CADM1: variants seen among roughly 807,000 people sequenced by gnomAD.
The protein encoded by CADM1 is TSLC-1.
In CADM1, 15 loss-of-function variants were observed where a neutral mutation model predicts 53.1. The ratio of observed to expected loss-of-function variants is 0.28; its 90% CI spans 0.19 to 0.44. CADM1 has a LOEUF of 0.44. CADM1 is among the 20% of genes least tolerant of loss of function. CADM1 has a pLI of 1.00. For synonymous variants in CADM1, 281 were observed against 243.0 expected, an observed-to-expected ratio of 1.16 and a Z score of -1.45; for missense variants, 434 against 611.3, an observed-to-expected ratio of 0.71 and a Z score of 3.06.
intron 1 of CADM1, among the ~76,000 whole-genome samples, chr11:115,493,295 G>A (rs1165833583): frequency 6.0e-4 from 88 of 146,424 alleles, no homozygotes; most frequent in Non-Finnish European, 1.1e-3. Context: ...AAAAAAAAAA[G>A]AGGGGGAAGA....
chr11:115,282,813 G>A (rs188262935), intron 1 of CADM1, among the ~76,000 whole-genome samples: 103 of 152,318 alleles, frequency 6.8e-4, no homozygotes, highest in African/African-American at 2.5e-3. Context: ...ATTATTTACA[G>A]GGGATGGAAG....
chr11:115,177,855 C>T (rs1939111039), intron 11 of CADM1, among the ~76,000 whole-genome samples: 1 of 152,128 alleles, frequency 6.6e-6, no homozygotes. Flanking sequence ...AGGGACCTTC[C>T]CCCAAACCCA....
chr11:115,243,013 G>A (rs973910852), intron 1 of CADM1, among the ~76,000 whole-genome samples: 9 of 152,226 alleles, frequency 5.9e-5, no homozygotes, highest in African/African-American at 2.2e-4. Context: ...AAAGAGGCAT[G>A]TTGTCCATGA....
intron 8 of CADM1, among the ~76,000 whole-genome samples, chr11:115,204,617 C>T (rs892353140): frequency 6.6e-6 from 1 of 152,166 alleles, no homozygotes; most frequent in Admixed American, 6.5e-5. Context: ...AGCTCTCTAT[C>T]ATCATTTAGA....
At chr11:115,385,044 G>A (rs1054024795) in intron 1 of CADM1, among the ~76,000 whole-genome samples, 2 of 151,890 alleles carry the variant, frequency 1.3e-5, no homozygotes, top group African/African-American at 2.4e-5. Context: ...TGGATCACTC[G>A]CCTCCCTATA....
intron 1 of CADM1, chr11:115,240,735 T>C: frequency 2.8e-6 from 1 of 355,768 alleles, no homozygotes; most frequent in South Asian, 2.8e-5. Context: ...TACCAGCTTT[T>C]GTGAATGCTG....
intron 5 of CADM1, among the ~76,000 whole-genome samples, chr11:115,228,057 G>A (rs1372038631): frequency 6.6e-6 from 1 of 152,210 alleles, no homozygotes; most frequent in Non-Finnish European, 1.5e-5. Flanking sequence ...ACACAGACGA[G>A]AGACCCACAG....
intron 1 of CADM1, among the ~76,000 whole-genome samples, chr11:115,463,986 T>C (rs1176333739): frequency 6.6e-6 from 1 of 152,170 alleles, no homozygotes; most frequent in Non-Finnish European, 1.5e-5. Flanking sequence ...AATGCTATAT[T>C]ATCCCATAGG....
At chr11:115,375,882 T>C (rs1240808818) in intron 1 of CADM1, among the ~76,000 whole-genome samples, 2 of 152,216 alleles carry the variant, frequency 1.3e-5, no homozygotes, top group Non-Finnish European at 2.9e-5. Flanking sequence ...ATTAAATTCA[T>C]ATTTGCTGGT....
chr11:115,445,614 C>A (rs1008510827), intron 1 of CADM1: 3 of 289,584 alleles, frequency 1.0e-5, no homozygotes, highest in Non-Finnish European at 2.1e-5. Flanking sequence ...GAGATTGAGG[C>A]GAATGGATTA....
At chr11:115,417,998 C>T (rs1947650769) in intron 1 of CADM1, among the ~76,000 whole-genome samples, 1 of 152,166 alleles carries the variant, frequency 6.6e-6, no homozygotes, top group Non-Finnish European at 1.5e-5. Flanking sequence ...GACTATATAA[C>T]ATCTAATTCA....
chr11:115,340,640 A>T (rs1295345581), intron 1 of CADM1, among the ~76,000 whole-genome samples: 1 of 29,808 alleles, frequency 3.4e-5, no homozygotes, highest in African/African-American at 1.2e-4. Context: ...ATATATATAT[A>T]TATATATATA....
At chr11:115,421,977 T>C (rs556905971) in intron 1 of CADM1, among the ~76,000 whole-genome samples, 3 of 152,356 alleles carry the variant, frequency 2.0e-5, no homozygotes, top group East Asian at 1.9e-4. Flanking sequence ...AAGGGTATGC[T>C]TCCAGCCCAT....
At chr11:115,439,157 T>A (rs1377108873) in intron 1 of CADM1, among the ~76,000 whole-genome samples, 1 of 151,642 alleles carries the variant, frequency 6.6e-6, no homozygotes. Context: ...GGGCTTTTAG[T>A]AAAATGATGT....
At chr11:115,476,780 G>C (rs1044166612) in intron 1 of CADM1, among the ~76,000 whole-genome samples, 17 of 152,116 alleles carry the variant, frequency 1.1e-4, no homozygotes, top group Admixed American at 3.9e-4. Flanking sequence ...CTCATAATGA[G>C]GTACTTAACT....
chr11:115,363,218 C>G (rs571253719), intron 1 of CADM1, among the ~76,000 whole-genome samples: 16 of 152,108 alleles, frequency 1.1e-4, no homozygotes, highest in Admixed American at 2.0e-4. Context: ...ATAGCTAGTG[C>G]CAAAATACCG....
intron 1 of CADM1, among the ~76,000 whole-genome samples, chr11:115,266,764 G>A (rs1391519687): frequency 1.3e-5 from 2 of 152,126 alleles, no homozygotes; most frequent in East Asian, 3.8e-4. Context: ...GATGAATTTT[G>A]ATAAACATGC....
chr11:115,233,009 A>G (rs1941877578), intron 3 of CADM1, among the ~76,000 whole-genome samples: 1 of 152,246 alleles, frequency 6.6e-6, no homozygotes, highest in Admixed American at 6.5e-5. Flanking sequence ...CTAGTCCACA[A>G]TGTGAAAATT....
chr11:115,231,575 C>G, intron 3 of CADM1, 85 bp from the exon 4 acceptor site: 1 of 1,259,812 alleles, frequency 7.9e-7, no homozygotes, highest in Admixed American at 1.7e-5. Context: ...AGTAGACATT[C>G]CTGATGGGAA....
Sources: allele counts gnomAD v4.1 joint callset (sites outside exome capture counted in the v4.1 genomes callset), GRCh38; gene constraint gnomAD v4.1.1; transcripts MANE v1.5; gene names NCBI Gene and HGNC (gene_info 2026-07-23, HGNC 2026-07-21).